RAI1: variants seen among roughly 807,000 people sequenced by gnomAD.
The protein encoded by RAI1 is retinoic acid-induced protein 1.
Under a neutral mutation model 123.8 loss-of-function variants are expected in RAI1, and 9 were observed. The ratio of observed to expected loss-of-function variants is 0.07; its 90% confidence interval spans 0.04 to 0.13. The LOEUF is 0.13. Among genes scored for constraint, RAI1 ranks in the 10% least tolerant of loss-of-function variants. The pLI is 1.00. For synonymous variants in RAI1, 1,231 were observed against 1,127.3 expected, an observed-to-expected ratio of 1.09 and a Z score of -1.84; for missense variants, 2,256 against 2,545.8, an observed-to-expected ratio of 0.89 and a Z score of 2.45.
chr17:17,713,223 G>T (rs1915616860), intron 1 of RAI1, among the ~76,000 whole-genome samples: 1 of 152,142 alleles, frequency 6.6e-6, no homozygotes, highest in Admixed American at 6.5e-5. Context: ...AGAAAACATT[G>T]CAAGGAGCTG....
intron 1 of RAI1, among the ~76,000 whole-genome samples, chr17:17,690,273 G>A (rs1278752017): frequency 2.0e-5 from 3 of 151,788 alleles, no homozygotes; most frequent in African/African-American, 7.3e-5. Flanking sequence ...TGTAATCCCA[G>A]CTACTCAGGA....
chr17:17,711,584 G>A (rs1456688854), intron 1 of RAI1, among the ~76,000 whole-genome samples: 4 of 152,204 alleles, frequency 2.6e-5, no homozygotes, highest in African/African-American at 9.7e-5. Flanking sequence ...TGTTCCAAAT[G>A]TGCTGGAGGC....
chr17:17,807,114 G>T (rs1390172103), intron 4 of RAI1, among the ~76,000 whole-genome samples: 2 of 152,132 alleles, frequency 1.3e-5, no homozygotes, highest in East Asian at 3.9e-4. Flanking sequence ...TGAGGAGGAG[G>T]GTGGACCCCT....
chr17:17,728,508 T>C (rs1261339030), intron 2 of RAI1, among the ~76,000 whole-genome samples: 2 of 152,186 alleles, frequency 1.3e-5, no homozygotes, highest in Non-Finnish European at 2.9e-5. Flanking sequence ...TGGCAGGGCA[T>C]AGCCAGGTGG....
intron 1 of RAI1, among the ~76,000 whole-genome samples, chr17:17,686,621 C>T (rs1367688293): frequency 9.2e-5 from 9 of 97,560 alleles, no homozygotes; most frequent in Admixed American, 5.2e-4. Flanking sequence ...ACGCGCGCGC[C>T]GGGGAGGGGA....
chr17:17,770,059 C>T (rs62064096), intron 2 of RAI1, among the ~76,000 whole-genome samples: 4,831 of 152,072 alleles, frequency 0.032, 108 homozygotes, highest in South Asian at 0.055. Flanking sequence ...GCAGGGTCTC[C>T]CCTGGAACCA....
chr17:17,719,815 G>T (rs1415151606), intron 1 of RAI1, among the ~76,000 whole-genome samples: 1 of 152,160 alleles, frequency 6.6e-6, no homozygotes, highest in African/African-American at 2.4e-5. Flanking sequence ...GGACCTCAGT[G>T]ATCCAGTCTC....
rs1491248703 is a variant in RAI1 at position 17,686,608 on chromosome 17, T to TGTGTGCGC, written c.-149+4816_-149+4817insTGTGCGCG. On this transcript the variant is annotated intron_variant, in intron 1 of 5. Coordinates refer to ENST00000353383, the MANE Select transcript of RAI1 (RefSeq NM_030665.4). ...GTGTGTGTGTGTGTGTGTGTGTGTG[T>TGTGTGCGC]GCACGCGCGCGCCGGGGAGGGGAGA... 3.9e-4 allele frequency among the ~76,000 whole-genome samples: 54 copies of TGTGTGCGC among 137,850 alleles called. 2 individuals are homozygous for TGTGTGCGC. The highest frequency in any genetic ancestry group is 1.4e-3 in the African/African-American group (51 of 36,222). 90.4% of individuals were successfully genotyped at this position (137,850 alleles called of 152,430 possible).
intron 1 of RAI1, among the ~76,000 whole-genome samples, chr17:17,722,662 G>A (rs1391566907): frequency 6.6e-6 from 1 of 152,238 alleles, no homozygotes; most frequent in African/African-American, 2.4e-5. Flanking sequence ...TGCTGCGCCA[G>A]AATCATCGAG....
chr17:17,807,283 T>G (rs930198198), intron 4 of RAI1, among the ~76,000 whole-genome samples: 89 of 150,894 alleles, frequency 5.9e-4, no homozygotes, highest in African/African-American at 2.0e-3. Context: ...GAGAGGGCAC[T>G]GAGGGAGTGG....
Position 17,794,827 on chromosome 17 carries a change from GC to G in RAI1, c.1880del (p.Ala627ValfsTer192), listed in dbSNP as rs2032168773. On this transcript the variant is annotated frameshift_variant, in exon 3 of 6. Coordinates refer to ENST00000353383, the MANE Select transcript of RAI1 (RefSeq NM_030665.4). LOFTEE classifies it high-confidence loss of function. ...CGGTGAGAAGGCCGACAAAGCTTGG[GC>G]TGAAGCACCCAGCCTGGTCAAGGAC... ...AIGEKADKAW[A>X]EAPSLVKDSS... 1 of 1,613,026 alleles carries G rather than the reference GC, an allele frequency of 6.2e-7. No individual in the cohort carries two copies. The highest frequency in any genetic ancestry group is 8.5e-7 in the Non-Finnish European group (1 of 1,180,010).
chr17:17,795,254 T>C lies in RAI1; in HGVS notation c.2306T>C (p.Leu769Pro). The C allele has an allele frequency of 6.2e-7, 1 of 1,613,938 alleles. No individual in the cohort carries two copies. Among genetic ancestry groups the C allele is most frequent in the Non-Finnish European group, 8.5e-7 (1 of 1,179,998 alleles). ...GLHPGELTKG[L>P]EQGGKASDGI... ...CACCCTGGCGAGCTTACCAAGGGCC[T>C]GGAGCAGGGTGGGAAGGCCTCAGAT... is the stretch of plus-strand genomic sequence containing the variant. The change falls in exon 3 of 6, where the codon CTG becomes CCG. Residue 769 changes from leucine (L) to proline (P), a missense_variant. Leu to Pro is a moderately conservative substitution (Grantham distance 98). This residue lies in a region of RAI1 where 566 missense variants were observed against 616.0 expected (regional missense o/e 0.92). Coordinates refer to ENST00000353383, the MANE Select transcript of RAI1 (RefSeq NM_030665.4). This position sits in a 1 kb window ranked among gnomAD's most constrained non-coding sequence, Gnocchi z 5.9.
intron 1 of RAI1, among the ~76,000 whole-genome samples, chr17:17,695,338 G>T (rs902170483): frequency 2.6e-5 from 4 of 152,250 alleles, no homozygotes; most frequent in African/African-American, 9.6e-5. Flanking sequence ...GCCTCCCCTA[G>T]TTGGCAGTCG....
chr17:17,792,441 G>T (rs997465958), intron 2 of RAI1, among the ~76,000 whole-genome samples: 1 of 152,136 alleles, frequency 6.6e-6, no homozygotes, highest in Non-Finnish European at 1.5e-5. Flanking sequence ...GAACACGGTC[G>T]CGAAGGGACT....
chr17:17,708,664 C>T (rs893015027), intron 1 of RAI1, among the ~76,000 whole-genome samples: 16 of 152,130 alleles, frequency 1.1e-4, no homozygotes, highest in Non-Finnish European at 2.1e-4. Context: ...TCACATCCCT[C>T]CTTGTACACC....
chr17:17,790,097 C>T (rs1050821542), intron 2 of RAI1, among the ~76,000 whole-genome samples: 1 of 152,204 alleles, frequency 6.6e-6, no homozygotes, highest in Non-Finnish European at 1.5e-5. Flanking sequence ...CAACCCAGCC[C>T]AGCCCTGCTG....
At chr17:17,728,063 G>A (rs530028223) in intron 2 of RAI1, among the ~76,000 whole-genome samples, 10 of 151,088 alleles carry the variant, frequency 6.6e-5, no homozygotes, top group South Asian at 2.1e-4. Flanking sequence ...GTGTGTGTCC[G>A]TCCCTGTGTG....
In RAI1 at chr17:17,794,033, C is replaced by T. The variant is rs775900973; in HGVS notation, c.1085C>T (p.Pro362Leu). The change falls in exon 3 of 6, where the codon CCG becomes CTG. Residue 362 changes from proline to leucine, a missense_variant. Physicochemically the swap from Pro to Leu is moderately conservative, Grantham distance 98. Around this residue, in one of 7 missense-constraint regions of RAI1, gnomAD observed 357 missense variants for 480.2 expected, o/e 0.74. Transcript: ENST00000353383. Reference sequence around the variant, plus strand: ...CCTTCCTACAGTTCCACACCGTCGCCGCTGATGCCAAACCTGGAGAACTTT... The same window carrying T: ...CCTTCCTACAGTTCCACACCGTCGCTGCTGATGCCAAACCTGGAGAACTTT... ...RSPSYSSTPS[P>L]LMPNLENFPY... 2 of 1,614,000 alleles carry T rather than the reference C, an allele frequency of 1.2e-6. No individual in the cohort carries two copies. Among genetic ancestry groups the T allele is most frequent in the Non-Finnish European group, 1.7e-6 (2 of 1,180,034 alleles).
intron 2 of RAI1, among the ~76,000 whole-genome samples, chr17:17,765,495 G>C (rs2030889786): frequency 6.6e-6 from 1 of 152,284 alleles, no homozygotes; most frequent in African/African-American, 2.4e-5. Context: ...ACATGAGGCT[G>C]AGTGTGCAGC....
Sources: gnomAD v4.1 joint callset for allele counts (sites outside exome capture counted in the v4.1 genomes callset) on GRCh38, gnomAD v4.1.1 for gene constraint, gnomAD v4.1.1 regional missense constraint, Gnocchi (gnomAD v3.1) non-coding constraint, MANE v1.5 for transcripts, NCBI Gene and HGNC (gene_info 2026-07-23, HGNC 2026-07-21) for gene names.